PLCE1: variants seen among roughly 807,000 people sequenced by gnomAD.
PLCE1 encodes the protein 1-phosphatidylinositol 4,5-bisphosphate phosphodiesterase epsilon-1.
A neutral mutation model predicts 242.8 loss-of-function variants in PLCE1; 119 were observed. The observed-to-expected ratio is 0.49, with a 90% CI of 0.42 to 0.57. PLCE1 has a LOEUF of 0.57. Among genes scored for constraint, PLCE1 ranks in the 20% least tolerant of loss-of-function variants. The pLI, the probability that PLCE1 is intolerant of heterozygous loss-of-function variation, is 0.00. For missense variants in PLCE1, 2,441 were observed against 2,788.8 expected (o/e 0.88, Z 2.81); for synonymous variants, 945 against 1,017.4 (o/e 0.93, Z 1.35).
intron 18 of PLCE1, among the ~76,000 whole-genome samples, chr10:94,272,954 A>C (rs1014594021): frequency 2.0e-5 from 3 of 152,018 alleles, no homozygotes; most frequent in African/African-American, 7.3e-5. Context: ...TAATCCTAGC[A>C]CTTTGGGAGG....
intron 4 of PLCE1, 141 bp downstream of exon 4, chr10:94,171,637 C>G (rs1435667107): frequency 2.7e-6 from 2 of 745,014 alleles, no homozygotes; most frequent in African/African-American, 3.4e-5. Context: ...GTTTTTCTTT[C>G]CAGGCAAAGA....
At chr10:94,178,029 G>T (rs1374864872) in intron 4 of PLCE1, among the ~76,000 whole-genome samples, 1 of 152,108 alleles carries the variant, frequency 6.6e-6, no homozygotes, top group East Asian at 1.9e-4. Flanking sequence ...TTGTTGTGTT[G>T]TTCACCAATG....
chr10:94,264,660 T>G (rs893014218), intron 14 of PLCE1, among the ~76,000 whole-genome samples: 14 of 151,768 alleles, frequency 9.2e-5, no homozygotes, highest in African/African-American at 3.4e-4. Flanking sequence ...TAGCTGGGAT[T>G]ACAGGCACAC....
intron 20 of PLCE1, among the ~76,000 whole-genome samples, chr10:94,281,358 A>C (rs1440392000): frequency 6.6e-6 from 1 of 152,196 alleles, no homozygotes; most frequent in Admixed American, 6.5e-5. Flanking sequence ...TTTAGAAATT[A>C]TTATTATACT....
At chr10:94,047,941 A>C (rs1285883385) in intron 2 of PLCE1, among the ~76,000 whole-genome samples, 2 of 152,194 alleles carry the variant, frequency 1.3e-5, no homozygotes, top group African/African-American at 4.8e-5. Flanking sequence ...TGTACACTTC[A>C]AAATGGTGAT....
Position 94,321,909 on chromosome 10 carries a change from A to G in PLCE1, c.6351A>G (p.Glu2117=), listed in dbSNP as rs1177787500. The change falls in exon 30 of 33, where the codon GAA becomes GAG. Residue 2117 remains glutamate (E), a synonymous_variant. Transcript: ENST00000371380. ...IVLKTQQENL[E]EKNIVQDDKE... is the part of the protein sequence containing the mutation. ...TTTCTTTTTAAACATAGAACCTAGAAGAGAAAAACATTGTTCAAGATGACA... is the reference window on the plus strand; with the variant it reads ...TTTCTTTTTAAACATAGAACCTAGAGGAGAAAAACATTGTTCAAGATGACA... 3 of 1,612,864 alleles carry G rather than the reference A, an allele frequency of 1.9e-6. No individual in the cohort carries two copies. In the South Asian group the frequency reaches 3.3e-5, roughly 18 times the overall value.
intron 2 of PLCE1, among the ~76,000 whole-genome samples, chr10:94,043,291 G>A (rs1589905074): frequency 1.3e-5 from 2 of 152,276 alleles, no homozygotes; most frequent in East Asian, 3.9e-4. Context: ...AGTCGAACCC[G>A]CTATGGAAAC....
chr10:94,031,928 G>T lies in PLCE1; in HGVS notation c.882G>T (p.Lys294Asn). 1.2e-6 allele frequency: 2 copies of T among 1,613,906 alleles called. No individual in the cohort carries two copies. The highest frequency in any genetic ancestry group is 1.7e-6 in the Non-Finnish European group (2 of 1,179,852). ...RKDFTDSQAAKTFLSHFEDFP... is the reference protein window; with the variant it reads ...RKDFTDSQAANTFLSHFEDFP... ...ACTTTACTGACAGTCAAGCTGCCAAGACCTTTTTGAGCCATTTTGAGGACT... is the reference window on the plus strand; with the variant it reads ...ACTTTACTGACAGTCAAGCTGCCAATACCTTTTTGAGCCATTTTGAGGACT... Residue 294 changes from lysine to asparagine, a missense_variant, in exon 2 of 33, where the codon AAG (lysine) becomes AAT (asparagine). Lys to Asn is a moderately conservative substitution (Grantham distance 94). Transcript: ENST00000371380.
intron 2 of PLCE1, among the ~76,000 whole-genome samples, chr10:94,069,209 A>G (rs533776030): frequency 1.3e-5 from 2 of 152,316 alleles, no homozygotes; most frequent in South Asian, 4.1e-4. Context: ...GGAACACAAA[A>G]TTTTAATGCT....
intron 1 of PLCE1, among the ~76,000 whole-genome samples, chr10:94,006,860 G>A (rs191508900): frequency 2.6e-5 from 4 of 152,330 alleles, no homozygotes; most frequent in Non-Finnish European, 2.9e-5. Flanking sequence ...TTTACCAAAT[G>A]GGACATCTAG....
chr10:94,090,560 G>T (rs2135360180), intron 2 of PLCE1, among the ~76,000 whole-genome samples: 1 of 152,262 alleles, frequency 6.6e-6, no homozygotes, highest in East Asian at 1.9e-4. Flanking sequence ...TGTCTTGGTA[G>T]AAGTGAATGT....
Position 94,306,792 on chromosome 10 carries a change from A to G in PLCE1, c.5884+104A>G. ...TTTTCTGTTTGACATTTTCCTATAA[A>G]GAAGTTGAATTAAGAAGCAAAAGGA... On this transcript the variant is annotated intron_variant, in intron 26 of 32. Transcript: ENST00000371380. This position sits in a 1 kb window ranked among gnomAD's most constrained non-coding sequence, Gnocchi z 5.7. 1 of 959,970 alleles carries G rather than the reference A, an allele frequency of 1.0e-6. No individual in the cohort carries two copies. The highest frequency in any genetic ancestry group is 1.6e-6 in the Non-Finnish European group (1 of 624,154). 59.5% of individuals were successfully genotyped at this position (959,970 alleles called of 1,614,324 possible). A position where few individuals can be genotyped will look rare whatever the true frequency, so the allele number is the denominator to read the frequency against.
At chr10:94,043,279 G>A (rs560393714) in intron 2 of PLCE1, among the ~76,000 whole-genome samples, 2 of 152,274 alleles carry the variant, frequency 1.3e-5, no homozygotes, top group East Asian at 1.9e-4. Flanking sequence ...TGCTGCAAGC[G>A]CAGTCGAACC....
Position 94,031,708 on chromosome 10 carries a change from G to T in PLCE1, c.662G>T (p.Gly221Val). The T allele has an allele frequency of 6.2e-7, 1 of 1,613,790 alleles. No individual in the cohort carries two copies. The highest frequency in any genetic ancestry group is 2.2e-5 in the East Asian group (1 of 44,856). Residue 221 changes from glycine to valine, a missense_variant, in exon 2 of 33, where the codon GGG becomes GTG. Gly to Val is a moderately radical substitution (Grantham distance 109). Around this residue, in one of 5 missense-constraint regions of PLCE1, gnomAD observed 393 missense variants for 378.5 expected, o/e 1.04. Coordinates refer to ENST00000371380, the MANE Select transcript of PLCE1 (RefSeq NM_016341.4). ...DDCGNCVPLP[G>V]GEEKQKKNYV... ...TGTGGAAATTGTGTACCACTACCTG[G>T]GGGTGAGGAGAAGCAAAAGAAAAAC...
At chr10:94,281,604 C>G (rs1013652615) in intron 20 of PLCE1, among the ~76,000 whole-genome samples, 29 of 152,122 alleles carry the variant, frequency 1.9e-4, no homozygotes, top group Non-Finnish European at 3.2e-4. Flanking sequence ...ACTGTGATAC[C>G]TGGGGCAATG....
chr10:94,095,043 T>C (rs1191135743), intron 2 of PLCE1, among the ~76,000 whole-genome samples: 2 of 152,226 alleles, frequency 1.3e-5, no homozygotes, highest in African/African-American at 2.4e-5. Flanking sequence ...GCAGACCATT[T>C]TGGCAACTGT....
At chr10:94,080,386 C>T (rs997158809) in intron 2 of PLCE1, among the ~76,000 whole-genome samples, 2 of 152,178 alleles carry the variant, frequency 1.3e-5, no homozygotes, top group Non-Finnish European at 2.9e-5. Flanking sequence ...CCACCACACC[C>T]CTTCTCCTAG....
At chr10:94,020,869 A>G (rs911200506) in intron 1 of PLCE1, among the ~76,000 whole-genome samples, 3 of 152,062 alleles carry the variant, frequency 2.0e-5, no homozygotes, top group Admixed American at 6.6e-5. Flanking sequence ...TCACTCTGTT[A>G]CCCACACTGG....
intron 4 of PLCE1, among the ~76,000 whole-genome samples, chr10:94,182,241 G>T (rs1351826902): frequency 6.6e-6 from 1 of 151,850 alleles, no homozygotes; most frequent in East Asian, 1.9e-4. Context: ...AATGTAATGG[G>T]TTGTTTTCCC....
Sources: allele counts gnomAD v4.1 joint callset (sites outside exome capture counted in the v4.1 genomes callset), GRCh38; gene constraint gnomAD v4.1.1; regional missense constraint gnomAD v4.1.1; non-coding constraint Gnocchi (gnomAD v3.1); transcripts MANE v1.5; gene names NCBI Gene and HGNC (gene_info 2026-07-23, HGNC 2026-07-21).